The following COL4A2 variants were observed in gnomAD, a reference collection of about 807,000 sequenced individuals.
The protein encoded by COL4A2 is collagen type IV alpha 2 chain, also known as collagen alpha-2(IV) chain.
In COL4A2, 99 loss-of-function variants were observed where a neutral mutation model predicts 200.2. The ratio of observed to expected loss-of-function variants is 0.49; its 90% confidence interval spans 0.42 to 0.58. The LOEUF is 0.58. Ranked by LOEUF, COL4A2 falls within the 20% of genes least tolerant of loss-of-function variation. The probability of loss-of-function intolerance (pLI) is 0.00; values close to 1 mark genes in which losing one functional copy is unlikely to be tolerated. For synonymous variants in COL4A2, 897 were observed against 900.6 expected, an observed-to-expected ratio of 1.00 and a Z score of 0.07; for missense variants, 1,950 against 2,314.1, an observed-to-expected ratio of 0.84 and a Z score of 3.23.
At chr13:110,399,660 A>G (rs1486622348) in intron 4 of COL4A2, among the ~76,000 whole-genome samples, 1 of 152,214 alleles carries the variant, frequency 6.6e-6, no homozygotes, top group Non-Finnish European at 1.5e-5. Flanking sequence ...AAATATTGGA[A>G]CTTTTCAAAA....
intron 3 of COL4A2, among the ~76,000 whole-genome samples, chr13:110,347,380 G>A (rs570903423): frequency 6.6e-6 from 1 of 152,318 alleles, no homozygotes; most frequent in South Asian, 2.1e-4. Context: ...CAGCAGCCCT[G>A]TGCAAGGGTG....
In COL4A2 at chr13:110,508,633, A is replaced by G. The variant is rs566021254; in HGVS notation, c.4881+412A>G. Among the ~76,000 whole-genome samples, 9 of 152,358 alleles carry G rather than the reference A, an allele frequency of 5.9e-5. No individual in the cohort carries two copies. The highest frequency in any genetic ancestry group is 4.6e-4 in the Admixed American group (7 of 15,312). On this transcript the variant is annotated intron_variant, in intron 47 of 47. Coordinates refer to ENST00000360467, the MANE Select transcript of COL4A2 (RefSeq NM_001846.4). This position sits in a 1 kb window ranked among gnomAD's most constrained non-coding sequence, Gnocchi z 6.1. ...CTGGAACCTAGAATACCCTGAAGAAATACCTATTAACTGGCTGGCTTAAAA... is the reference window on the plus strand; with the variant it reads ...CTGGAACCTAGAATACCCTGAAGAAGTACCTATTAACTGGCTGGCTTAAAA...
chr13:110,331,198 G>T (rs1041688305), intron 3 of COL4A2, among the ~76,000 whole-genome samples: 1 of 152,076 alleles, frequency 6.6e-6, no homozygotes, highest in Non-Finnish European at 1.5e-5. Context: ...ATAGTGCCAG[G>T]CCATTGCAAA....
intron 4 of COL4A2, among the ~76,000 whole-genome samples, chr13:110,412,430 G>A (rs1879879014): frequency 6.6e-6 from 1 of 152,176 alleles, no homozygotes; most frequent in African/African-American, 2.4e-5. Context: ...GCCACCTCGT[G>A]TTCACCACCA....
At chr13:110,490,712 T>A (rs1883258663) in intron 36 of COL4A2, among the ~76,000 whole-genome samples, 1 of 152,204 alleles carries the variant, frequency 6.6e-6, no homozygotes, top group Non-Finnish European at 1.5e-5. Context: ...AGTCCGGCCA[T>A]TTGGTTTATA....
chr13:110,351,018 C>T (rs1024890377), intron 3 of COL4A2, among the ~76,000 whole-genome samples: 1 of 152,024 alleles, frequency 6.6e-6, no homozygotes, highest in Non-Finnish European at 1.5e-5. Context: ...TCTTTGCTAC[C>T]TGCTCTCTCT....
At position 110,475,246 on chromosome 13, in the gene COL4A2, C is replaced by T. The variant is rs74528707; in HGVS notation, c.2425+2096C>T. Among the ~76,000 whole-genome samples, 1,125 of 152,348 alleles carry T rather than the reference C, an allele frequency of 7.4e-3. 11 individuals are homozygous for T. The highest frequency in any genetic ancestry group is 0.025 in the African/African-American group (1,036 of 41,584). ...CAGGTCATTTATGGAAGATAAGATG[C>T]AAATCAGCGCTGTCTGCAGAAACTG... On this transcript the variant is annotated intron_variant, in intron 29 of 47. Coordinates refer to ENST00000360467, the MANE Select transcript of COL4A2 (RefSeq NM_001846.4).
At chr13:110,381,583 C>A (rs151034591) in intron 4 of COL4A2, among the ~76,000 whole-genome samples, 1 of 152,308 alleles carries the variant, frequency 6.6e-6, no homozygotes, top group Non-Finnish European at 1.5e-5. Flanking sequence ...CCAGTGAACA[C>A]GTGATTGAAC....
intron 18 of COL4A2, among the ~76,000 whole-genome samples, chr13:110,447,648 T>C (rs1881378933): frequency 6.6e-6 from 1 of 152,238 alleles, no homozygotes. Flanking sequence ...TAGTCAGCTC[T>C]GTGAGGACAG....
intron 3 of COL4A2, among the ~76,000 whole-genome samples, chr13:110,308,520 CT>C (rs1275715237): frequency 6.6e-6 from 1 of 152,114 alleles, no homozygotes; most frequent in Non-Finnish European, 1.5e-5. Context: ...GGTGGGGAGT[CT>C]CTGTCACGGA....
chr13:110,419,920 C>T (rs1880183340), intron 4 of COL4A2, among the ~76,000 whole-genome samples: 1 of 152,200 alleles, frequency 6.6e-6, no homozygotes, highest in Non-Finnish European at 1.5e-5. Flanking sequence ...CTACTGAGCC[C>T]CAACTCCATG....
At chr13:110,308,159 C>G (rs1438980066) in intron 3 of COL4A2, 36 bp downstream of exon 3, 3 of 1,611,630 alleles carry the variant, frequency 1.9e-6, no homozygotes, top group South Asian at 1.1e-5. Flanking sequence ...CTTGCGCGCC[C>G]GAGAGTGGTT....
chr13:110,436,274 C>T lies in COL4A2; in HGVS notation c.732C>T (p.Asp244=), dbSNP rs144319016. 1.5e-3 allele frequency: 2,428 copies of T among 1,613,886 alleles called. 31 individuals carry two copies. The African/African-American group carries it at 0.028, about 19-fold the overall frequency. The change falls in exon 13 of 48, where the codon GAC becomes GAT. Residue 244 remains aspartate (D), a synonymous_variant. Transcript: ENST00000360467. ...TTTTGCTTAACAATATGCAGGGTGACGTAGGGCAGCCGGGACCCAACGGGA... is the reference window on the plus strand; with the variant it reads ...TTTTGCTTAACAATATGCAGGGTGATGTAGGGCAGCCGGGACCCAACGGGA... ...GFYGVKGEKG[D]VGQPGPNGIP...
Position 110,494,542 on chromosome 13 carries a change from ATTAT to A in COL4A2, c.3635-795_3635-792del, listed in dbSNP as rs552792783. ...CTTGTTTTCTTTTCAATTTATACAA[ATTAT>A]TTATGTTCAGTGGAGAAAAAAAAAT... On this transcript the variant is annotated intron_variant, in intron 39 of 47. Coordinates refer to ENST00000360467, the MANE Select transcript of COL4A2 (RefSeq NM_001846.4). Among the ~76,000 whole-genome samples the A allele has an allele frequency of 2.6e-3, 397 of 151,664 alleles. 2 individuals carry two copies. Among genetic ancestry groups the A allele is most frequent in the African/African-American group, 9.2e-3 (379 of 41,236 alleles).
chr13:110,399,197 A>G (rs897260089), intron 4 of COL4A2, among the ~76,000 whole-genome samples: 26 of 152,208 alleles, frequency 1.7e-4, no homozygotes, highest in Non-Finnish European at 3.1e-4. Context: ...TACTTAACTC[A>G]CACATCCGCA....
chr13:110,338,236 T>C (rs1401759387), intron 3 of COL4A2, among the ~76,000 whole-genome samples: 2 of 152,206 alleles, frequency 1.3e-5, no homozygotes, highest in Admixed American at 6.5e-5. Flanking sequence ...GGGAATAGTC[T>C]GTTAAGGCTG....
chr13:110,483,263 G>C (rs1466003512), intron 32 of COL4A2, among the ~76,000 whole-genome samples: 3 of 152,224 alleles, frequency 2.0e-5, no homozygotes, highest in Non-Finnish European at 4.4e-5. Context: ...CTAAGAGTGT[G>C]TGTTGGTGAG....
intron 4 of COL4A2, among the ~76,000 whole-genome samples, chr13:110,398,225 G>A (rs1279070587): frequency 6.6e-6 from 1 of 151,664 alleles, no homozygotes; most frequent in Non-Finnish European, 1.5e-5. Context: ...GGTGTGAAAT[G>A]TATTCAAGTG....
rs528349486 is a variant in COL4A2, at chr13:110,441,343, T to A, written c.957+1510T>A. ...CCCAGACTCGCTTTCTGACCTCCAC[T>A]GGCTCTAGACACGGGCCGTCTTGAC... On this transcript the variant is annotated intron_variant, in intron 16 of 47. Transcript: ENST00000360467. Among the ~76,000 whole-genome samples, 79 of 152,340 alleles carry A rather than the reference T, an allele frequency of 5.2e-4. 1 individual carries two copies. The South Asian group carries it at 0.016, about 31-fold the overall frequency.
Sources: allele counts gnomAD v4.1 joint callset (sites outside exome capture counted in the v4.1 genomes callset), GRCh38; gene constraint gnomAD v4.1.1; non-coding constraint Gnocchi (gnomAD v3.1); transcripts MANE v1.5; gene names NCBI Gene and HGNC (gene_info 2026-07-23, HGNC 2026-07-21).